JMJD1C: variants seen among roughly 807,000 people sequenced by gnomAD.
JMJD1C encodes the protein jumonji domain containing 1C, also known as jumonji domain-containing protein 1C.
Under a neutral mutation model 245.3 loss-of-function variants are expected in JMJD1C, and 31 were observed. The observed-to-expected ratio is 0.13, with a 90% CI of 0.09 to 0.17. The LOEUF is 0.17. JMJD1C is among the 10% of genes least tolerant of loss of function. The pLI is 1.00. For synonymous variants in JMJD1C, 1,057 were observed against 1,017.4 expected (o/e 1.04, Z -0.74); for missense variants, 2,691 against 3,000.2 (o/e 0.90, Z 2.41).
At position 63,167,823 on chromosome 10, in the gene JMJD1C, T is replaced by C. The variant is rs529788998; in HGVS notation, c.*222A>G. On this transcript the variant is annotated 3_prime_UTR_variant, in exon 26 of 26. Transcript: ENST00000399262. ...CATATACACTATAATACAAAACAGC[T>C]ATATAGTGCTGCTTTTAAAATTCTG... 2 of 470,196 alleles carry C rather than the reference T, an allele frequency of 4.3e-6. No homozygotes were observed. Among genetic ancestry groups the C allele is most frequent in the South Asian group, 7.9e-5 (2 of 25,274 alleles). The allele number at this position is 470,196 out of a possible 1,614,324, so 29.1% of individuals were successfully genotyped here.
At chr10:63,235,973 G>A (rs1485612070) in intron 3 of JMJD1C, among the ~76,000 whole-genome samples, 1 of 152,150 alleles carries the variant, frequency 6.6e-6, no homozygotes, top group African/African-American at 2.4e-5. Flanking sequence ...AACCAGGTTA[G>A]AAGAATATGG....
At chr10:63,183,601 A>G (rs372703563) in intron 21 of JMJD1C, 32 bp from the exon 22 acceptor site, 2 of 1,258,346 alleles carry the variant, frequency 1.6e-6, no homozygotes, top group Non-Finnish European at 2.2e-6. Context: ...ACTTGACAAA[A>G]TATTTATATA....
chr10:63,322,431 G>A (rs1356348006), intron 2 of JMJD1C, among the ~76,000 whole-genome samples: 2 of 152,136 alleles, frequency 1.3e-5, no homozygotes, highest in Admixed American at 6.5e-5. Flanking sequence ...GACTCAGTAC[G>A]ATGATTTTAA....
intron 8 of JMJD1C, among the ~76,000 whole-genome samples, chr10:63,213,117 C>A (rs1191833458): frequency 1.4e-5 from 2 of 145,442 alleles, no homozygotes; most frequent in African/African-American, 5.1e-5. Context: ...ACCTGGGAGG[C>A]AGAGGTTGCA....
At chr10:63,439,241 T>C (rs1951223610) in intron 1 of JMJD1C, among the ~76,000 whole-genome samples, 1 of 152,240 alleles carries the variant, frequency 6.6e-6, no homozygotes, top group African/African-American at 2.4e-5. Context: ...GCTGTATTTT[T>C]AGACCTCAGT....
chr10:63,291,467 T>C (rs1266594020), intron 2 of JMJD1C, among the ~76,000 whole-genome samples: 2 of 150,406 alleles, frequency 1.3e-5, no homozygotes, highest in African/African-American at 2.5e-5. Flanking sequence ...TACAAAAAAT[T>C]AGCCAGGTGT....
intron 2 of JMJD1C, among the ~76,000 whole-genome samples, chr10:63,297,583 T>C (rs1207199976): frequency 6.6e-6 from 1 of 152,072 alleles, no homozygotes; most frequent in Non-Finnish European, 1.5e-5. Flanking sequence ...GTGTGGGTGG[T>C]AACATGCTCC....
upstream of JMJD1C, among the ~76,000 whole-genome samples, chr10:63,468,320 T>C (rs1953381924): frequency 6.6e-6 from 1 of 152,248 alleles, no homozygotes; most frequent in Non-Finnish European, 1.5e-5. Context: ...AAGTACATTT[T>C]TTTAAATGTA....
intron 2 of JMJD1C, among the ~76,000 whole-genome samples, chr10:63,307,086 G>A (rs1938354844): frequency 6.6e-6 from 1 of 151,930 alleles, no homozygotes; most frequent in South Asian, 2.1e-4. Flanking sequence ...GGTATTTAAA[G>A]GCAAAATTTT....
At chr10:63,303,230 G>T (rs1860308688) in intron 2 of JMJD1C, among the ~76,000 whole-genome samples, 1 of 152,302 alleles carries the variant, frequency 6.6e-6, no homozygotes, top group African/African-American at 2.4e-5. Flanking sequence ...TAAAATGCTT[G>T]TATGTATTGT....
At chr10:63,484,169 C>T (rs1290768664) in intron 1 of JMJD1C, among the ~76,000 whole-genome samples, 1 of 149,724 alleles carries the variant, frequency 6.7e-6, no homozygotes, top group Admixed American at 6.6e-5. Context: ...TGGCTCACTC[C>T]TGTAATCCCA....
intron 2 of JMJD1C, among the ~76,000 whole-genome samples, chr10:63,357,866 C>CACACACAG (rs1491307054): frequency 2.9e-3 from 396 of 137,844 alleles, no homozygotes; most frequent in African/African-American, 5.1e-3. Context: ...CACACACACA[C>CACACACAG]AGAGACAAAC....
At chr10:63,290,190 TAAAG>T (rs1858478046) in intron 2 of JMJD1C, among the ~76,000 whole-genome samples, 1 of 152,146 alleles carries the variant, frequency 6.6e-6, no homozygotes, top group South Asian at 2.1e-4. Context: ...AAAAGAATCT[TAAAG>T]AAAGGTCTAA....
intron 2 of JMJD1C, among the ~76,000 whole-genome samples, chr10:63,343,078 T>G (rs551864747): frequency 6.6e-6 from 1 of 152,232 alleles, no homozygotes; most frequent in African/African-American, 2.4e-5. Flanking sequence ...ATAACTGATT[T>G]TGGCCAGGCA....
At chr10:63,201,979 C>T (rs1204149735) in intron 10 of JMJD1C, among the ~76,000 whole-genome samples, 1 of 151,268 alleles carries the variant, frequency 6.6e-6, no homozygotes, top group East Asian at 1.9e-4. Flanking sequence ...TGTTGGGGTC[C>T]AGGTGCAGTG....
chr10:63,410,166 A>C (rs1402920156), intron 1 of JMJD1C, among the ~76,000 whole-genome samples: 2 of 152,180 alleles, frequency 1.3e-5, no homozygotes, highest in African/African-American at 2.4e-5. Context: ...CTACTTTAAA[A>C]TATTGTAACC....
intron 2 of JMJD1C, among the ~76,000 whole-genome samples, chr10:63,275,326 A>G (rs1206442740): frequency 6.6e-6 from 1 of 152,232 alleles, no homozygotes; most frequent in Non-Finnish European, 1.5e-5. Context: ...TTAAACTTTG[A>G]ACGCTGAATG....
rs9415677 is a variant in JMJD1C at position 63,252,501 on chromosome 10, T to C, written c.447+12150A>G. Among the ~76,000 whole-genome samples the C allele has an allele frequency of 3.3e-3, 503 of 152,308 alleles. 1 individual carries two copies. Among genetic ancestry groups the C allele is most frequent in the African/African-American group, 0.012 (478 of 41,562 alleles). ...CAGACTCAAAGACTGCAGCAGCAAGTCTTGCCTGAACTACTAGCCTGCTGG... is the reference window on the plus strand; with the variant it reads ...CAGACTCAAAGACTGCAGCAGCAAGCCTTGCCTGAACTACTAGCCTGCTGG... On this transcript the variant is annotated intron_variant, in intron 3 of 25. Transcript: ENST00000399262.
At position 63,477,378 on chromosome 10, in the gene JMJD1C, T is replaced by C. The variant is rs1169525570; in HGVS notation, n.113+44360A>G. Among the ~76,000 whole-genome samples the C allele has an allele frequency of 5.0e-5, 4 of 80,296 alleles. No homozygotes were observed. In the Admixed American group the frequency reaches 6.6e-4, roughly 13 times the overall value. The allele number at this position is 80,296 out of a possible 152,430, so 52.7% of individuals were successfully genotyped here. On this transcript the variant is annotated intron_variant and non_coding_transcript_variant, in intron 1 of 3. Transcript: ENST00000633035. ...TATAGCTGCAGTAATCAACTCACCA[T>C]AATGTTGGCAAAAAGATAGATATAC...
Sources: gnomAD v4.1 joint callset for allele counts (sites outside exome capture counted in the v4.1 genomes callset) on GRCh38, gnomAD v4.1.1 for gene constraint, MANE v1.5 for transcripts, NCBI Gene and HGNC (gene_info 2026-07-23, HGNC 2026-07-21) for gene names.